The following IRF8 variants were observed in gnomAD, a reference collection of about 807,000 sequenced individuals.
IRF8 encodes the protein interferon consensus sequence binding protein 1.
In IRF8, 14 loss-of-function variants were observed where a neutral mutation model predicts 48.7. That is an observed-to-expected ratio of 0.29 (90% CI 0.19 to 0.45). The LOEUF (loss-of-function observed/expected upper bound fraction) is 0.45, where lower values mean the gene tolerates loss of function less well. Ranked by LOEUF, IRF8 falls within the 20% of genes least tolerant of loss-of-function variation. The pLI, the probability that IRF8 is intolerant of heterozygous loss-of-function variation, is 1.00. For synonymous variants in IRF8, 278 were observed against 227.3 expected, an observed-to-expected ratio of 1.22 and a Z score of -2.01; for missense variants, 493 against 580.7, an observed-to-expected ratio of 0.85 and a Z score of 1.55.
intron 7 of IRF8, 132 bp from the exon 8 acceptor site, chr16:85,919,977 G>C (rs961193298): frequency 8.0e-6 from 6 of 746,920 alleles, no homozygotes; most frequent in South Asian, 6.0e-5. Flanking sequence ...AGGGCCACCA[G>C]TTTGAGATCC....
chr16:85,915,046 CAG>C (rs1298524319), intron 6 of IRF8, among the ~76,000 whole-genome samples: 1 of 152,240 alleles, frequency 6.6e-6, no homozygotes, highest in African/African-American at 2.4e-5. Flanking sequence ...TGGAGCCTCT[CAG>C]AGCCTCATCT....
At chr16:85,913,992 G>C (rs1905221856) in intron 5 of IRF8, 1 of 202,988 alleles carries the variant, frequency 4.9e-6, no homozygotes, top group Non-Finnish European at 1.0e-5. Flanking sequence ...TCTGGGAGGT[G>C]GCAGCTGGCC....
At chr16:85,909,241 T>A (rs1438243118) in intron 3 of IRF8, 68 bp downstream of exon 3, 1 of 1,371,754 alleles carries the variant, frequency 7.3e-7, no homozygotes, top group Admixed American at 1.8e-5. Context: ...ACCACAGAAC[T>A]TGGGTCTGGG....
At chr16:85,920,061 G>A in intron 7 of IRF8, 48 bp from the exon 8 acceptor site, 1 of 1,367,202 alleles carries the variant, frequency 7.3e-7, no homozygotes, top group South Asian at 1.2e-5. Flanking sequence ...GGGAGTTGGA[G>A]GTCATCTCGG....
At chr16:85,919,518 G>T (rs1229186597) in intron 7 of IRF8, among the ~76,000 whole-genome samples, 2 of 152,188 alleles carry the variant, frequency 1.3e-5, no homozygotes, top group Non-Finnish European at 1.5e-5. Flanking sequence ...CATAAGCCCT[G>T]AGGAATCCCC....
intron 2 of IRF8, among the ~76,000 whole-genome samples, chr16:85,907,200 G>A (rs775332000): frequency 6.6e-6 from 1 of 152,196 alleles, no homozygotes; most frequent in Admixed American, 6.5e-5. Flanking sequence ...CCCAGGTAGA[G>A]GTGCAACATT....
At chr16:85,904,351 T>C (rs1055109461) in intron 2 of IRF8, among the ~76,000 whole-genome samples, 19 of 151,846 alleles carry the variant, frequency 1.3e-4, no homozygotes, top group African/African-American at 4.6e-4. Context: ...GTGGAGGGGG[T>C]CAAGGCTGTA....
At chr16:85,918,317 A>G in intron 6 of IRF8, 100 bp from the exon 7 acceptor site, 1 of 1,382,248 alleles carries the variant, frequency 7.2e-7, no homozygotes, top group Middle Eastern at 2.6e-4. Flanking sequence ...AAGACACACA[A>G]AGAGTTACCC....
chr16:85,915,393 C>T (rs566027799), intron 6 of IRF8, among the ~76,000 whole-genome samples: 21 of 152,222 alleles, frequency 1.4e-4, no homozygotes, highest in South Asian at 2.1e-4. Context: ...GGGATAGAAG[C>T]GTGCTGGCTG....
chr16:85,908,301 C>T (rs928170566), intron 2 of IRF8, among the ~76,000 whole-genome samples: 3 of 152,014 alleles, frequency 2.0e-5, no homozygotes, highest in African/African-American at 7.3e-5. Context: ...TCTGTACTGC[C>T]CCATTCTACA....
At chr16:85,899,612 G>C (rs912172406) in intron 1 of IRF8, among the ~76,000 whole-genome samples, 14 of 152,198 alleles carry the variant, frequency 9.2e-5, no homozygotes, top group Admixed American at 6.5e-5. Flanking sequence ...TGGAGGGTCA[G>C]AGTTGTGGAA....
At chr16:85,914,011 C>A in intron 5 of IRF8, 1 of 214,068 alleles carries the variant, frequency 4.7e-6, no homozygotes, top group South Asian at 7.2e-5. Context: ...CCCCGGAGGC[C>A]TTGAAGGTTG....
chr16:85,919,913 C>T (rs190325442), intron 7 of IRF8, among the ~76,000 whole-genome samples, 196 bp from the exon 8 acceptor site: 3 of 152,378 alleles, frequency 2.0e-5, no homozygotes, highest in African/African-American at 7.2e-5. Context: ...ATTAAAATCC[C>T]GGCAACAACC....
intron 2 of IRF8, chr16:85,903,591 C>T (rs1904897091): frequency 3.7e-6 from 1 of 271,184 alleles, no homozygotes; most frequent in Non-Finnish European, 7.1e-6. Context: ...GATACTTCTG[C>T]CTGGCATTGT....
Position 85,914,516 on chromosome 16 carries a change from T to G in IRF8, c.597T>G (p.His199Gln). The change falls in exon 6 of 9, where the codon CAT becomes CAG. Residue 199 changes from histidine to glutamine, a missense_variant. By Grantham distance (24) the His-to-Gln change is conservative (BLOSUM62 0). This residue lies in a region of IRF8 where 408 missense variants were observed against 449.6 expected (regional missense o/e 0.91). Coordinates refer to ENST00000268638, the MANE Select transcript of IRF8 (RefSeq NM_002163.4). ...GGTACACCACCTACGACGCGCACCA[T>G]TCAGGTACGGGGTGGTCCGGGCTGA... ...VTGYTTYDAH[H>Q]SAFSQMVISF... The G allele has an allele frequency of 6.2e-7, 1 of 1,614,086 alleles. No individual in the cohort carries two copies.
chr16:85,899,899 G>T (rs757166764), intron 1 of IRF8, among the ~76,000 whole-genome samples: 1 of 152,216 alleles, frequency 6.6e-6, no homozygotes, highest in Admixed American at 6.5e-5. Flanking sequence ...TACTTACCCA[G>T]AGCTGTGAAA....
intron 3 of IRF8, among the ~76,000 whole-genome samples, chr16:85,910,612 G>C (rs1361359340): frequency 6.6e-6 from 1 of 152,126 alleles, no homozygotes; most frequent in Admixed American, 6.5e-5. Context: ...TTATAGCATG[G>C]GGTGCAGCCA....
At chr16:85,902,546 G>A (rs186740908) in intron 1 of IRF8, 7 of 229,522 alleles carry the variant, frequency 3.0e-5, no homozygotes, top group Non-Finnish European at 5.2e-5. Flanking sequence ...CGGCACGGAC[G>A]CAGTATTCTA....
intron 1 of IRF8, among the ~76,000 whole-genome samples, chr16:85,899,861 G>C (rs1904771504): frequency 6.6e-6 from 1 of 152,144 alleles, no homozygotes; most frequent in Non-Finnish European, 1.5e-5. Flanking sequence ...CCAATACATA[G>C]GACAGACTTT....
Sources: gnomAD v4.1 joint callset for allele counts (sites outside exome capture counted in the v4.1 genomes callset) on GRCh38, gnomAD v4.1.1 for gene constraint, gnomAD v4.1.1 regional missense constraint, MANE v1.5 for transcripts, NCBI Gene and HGNC (gene_info 2026-07-23, HGNC 2026-07-21) for gene names.